SHPRH: variants seen among roughly 807,000 people sequenced by gnomAD.
The protein encoded by SHPRH is E3 ubiquitin-protein ligase SHPRH.
A neutral mutation model predicts 202.5 loss-of-function variants in SHPRH; 106 were observed. That is an observed-to-expected ratio of 0.52 (90% CI 0.45 to 0.62). SHPRH has a LOEUF of 0.62. Among genes scored for constraint, SHPRH ranks in the 20% least tolerant of loss-of-function variants. The pLI is 0.00. For missense variants in SHPRH, 1,710 were observed against 2,020.0 expected (o/e 0.85, Z 2.94); for synonymous variants, 729 against 686.0 (o/e 1.06, Z -0.98).
chr6:145,907,650 G>A (rs1783086311), intron 25 of SHPRH: 3 of 151,976 alleles, frequency 2.0e-5, no homozygotes, highest in Non-Finnish European at 4.4e-5. Context: ...CCATGCACTG[G>A]CTCTCTTCTG....
rs1209559845 is a variant in SHPRH, at chr6:145,963,795, T to C, written c.-97A>G. 6.6e-6 allele frequency: 1 copy of C among 152,062 alleles called. No homozygotes were observed. The highest frequency in any genetic ancestry group is 2.4e-5 in the African/African-American group (1 of 41,402). The allele number at this position is 152,062 out of a possible 1,614,324, so 9.4% of individuals were successfully genotyped here. A position where few individuals can be genotyped will look rare whatever the true frequency, so the allele number is the denominator to read the frequency against. On this transcript the variant is annotated 5_prime_UTR_variant, in exon 1 of 30. Coordinates refer to ENST00000275233, the MANE Select transcript of SHPRH (RefSeq NM_001042683.3). ...TCTGAGCGGGGCTGTCAGCGCCGGA[T>C]CGCTCCCAGCAGGCCGAGCAAACAA...
chr6:145,880,989 C>T (rs1449260936), downstream of SHPRH, among the ~76,000 whole-genome samples: 2 of 152,120 alleles, frequency 1.3e-5, no homozygotes, highest in Non-Finnish European at 2.9e-5. Flanking sequence ...ACATATCTCA[C>T]CAGTAAAAGG....
At chr6:145,930,215 C>G (rs918115635) in intron 14 of SHPRH, among the ~76,000 whole-genome samples, 1 of 152,044 alleles carries the variant, frequency 6.6e-6, no homozygotes, top group African/African-American at 2.4e-5. Flanking sequence ...CAACTACAGA[C>G]GGGCTACTCA....
At chr6:145,876,858 AG>A (rs1462873280) in intron 2 of SHPRH, 6 of 152,228 alleles carry the variant, frequency 3.9e-5, no homozygotes, top group African/African-American at 1.4e-4. Flanking sequence ...AAAAGCCATC[AG>A]GGGCCTGTCC....
chr6:145,928,330 G>A lies in SHPRH; in HGVS notation c.3113-1053C>T, dbSNP rs1023689965. On this transcript the variant is annotated intron_variant, in intron 14 of 29. Coordinates refer to ENST00000275233, the MANE Select transcript of SHPRH (RefSeq NM_001042683.3). Reference sequence around the variant, plus strand: ...CTGCTGCTTGTAAAATTCAAGACAGGTAAATTATAAATACTATTAAAGTAA... The same window carrying A: ...CTGCTGCTTGTAAAATTCAAGACAGATAAATTATAAATACTATTAAAGTAA... 2.0e-5 allele frequency among the ~76,000 whole-genome samples: 3 copies of A among 151,770 alleles called. No individual in the cohort carries two copies. The South Asian group carries it at 6.2e-4, about 31-fold the overall frequency.
chr6:145,942,522 A>G (rs1457883295), intron 9 of SHPRH, among the ~76,000 whole-genome samples: 2 of 152,234 alleles, frequency 1.3e-5, no homozygotes, highest in Admixed American at 1.3e-4. Flanking sequence ...AGTGGATGAA[A>G]TACAAAAACC....
intron 23 of SHPRH, among the ~76,000 whole-genome samples, chr6:145,915,437 A>G (rs568732768): frequency 6.6e-6 from 1 of 151,954 alleles, no homozygotes; most frequent in South Asian, 2.1e-4. Flanking sequence ...TTCCATCCAA[A>G]GAAGTTCCTT....
At chr6:145,918,481 A>T (rs1359792795) in intron 22 of SHPRH, 3 of 244,724 alleles carry the variant, frequency 1.2e-5, no homozygotes, top group Non-Finnish European at 2.3e-5. Context: ...ATGTACCTGA[A>T]GTCAGATAAA....
intron 1 of SHPRH, among the ~76,000 whole-genome samples, chr6:145,959,905 G>A (rs887768758): frequency 6.6e-6 from 1 of 152,172 alleles, no homozygotes; most frequent in Non-Finnish European, 1.5e-5. Flanking sequence ...TTTCCTAAGT[G>A]TTTATGTTTG....
chr6:145,932,216 A>C (rs903005456), intron 14 of SHPRH, among the ~76,000 whole-genome samples: 3 of 152,128 alleles, frequency 2.0e-5, no homozygotes, highest in African/African-American at 7.2e-5. Flanking sequence ...TCTCATATTT[A>C]TATGGAAAGG....
intron 1 of SHPRH, among the ~76,000 whole-genome samples, chr6:145,961,281 T>A (rs895590147): frequency 2.6e-5 from 4 of 152,214 alleles, no homozygotes; most frequent in African/African-American, 9.7e-5. Flanking sequence ...TCGAGCCAAC[T>A]AAGTCAGAAT....
At chr6:145,910,905 A>G (rs2128736631) in intron 24 of SHPRH, among the ~76,000 whole-genome samples, 1 of 152,288 alleles carries the variant, frequency 6.6e-6, no homozygotes, top group East Asian at 1.9e-4. Context: ...TTTGGGAAGA[A>G]TGTAAATTAG....
intron 2 of SHPRH, among the ~76,000 whole-genome samples, chr6:145,874,355 T>C (rs1385075407): frequency 6.6e-6 from 1 of 152,140 alleles, no homozygotes; most frequent in African/African-American, 2.4e-5. Flanking sequence ...TGTGATTCAG[T>C]TGATAGGCTG....
At chr6:145,931,079 G>A (rs1785388257) in intron 14 of SHPRH, among the ~76,000 whole-genome samples, 1 of 151,982 alleles carries the variant, frequency 6.6e-6, no homozygotes, top group African/African-American at 2.4e-5. Flanking sequence ...CTTTTGATTA[G>A]TGTTAACATA....
chr6:145,950,325 G>A lies in SHPRH; in HGVS notation c.921C>T (p.Tyr307=). ...HPALIPVLRP[Y]QREAVNWMLQ... ...GCATCCAATTGACAGCCTCTCTTTG[G>A]TAGGGTCTCAACACAGGGATCAATG... The change falls in exon 4 of 30, where the codon TAC becomes TAT. Residue 307 remains tyrosine (Y), a synonymous_variant. Transcript: ENST00000275233. The A allele has an allele frequency of 6.2e-7, 1 of 1,613,166 alleles. No homozygotes were observed. Among genetic ancestry groups the A allele is most frequent in the Non-Finnish European group, 8.5e-7 (1 of 1,179,396 alleles).
rs752647198 is a variant in SHPRH at position 145,926,267 on chromosome 6, T to G, written c.3231A>C (p.Glu1077Asp). 1 of 1,612,826 alleles carries G rather than the reference T, an allele frequency of 6.2e-7. No homozygotes were observed. Among genetic ancestry groups the G allele is most frequent in the East Asian group, 2.2e-5 (1 of 44,822 alleles). ...TCCCTGGGTGCCTGGCTATCAACAATTCCATCAAGTTATGGGTAGCATGAA... is the reference window on the plus strand; with the variant it reads ...TCCCTGGGTGCCTGGCTATCAACAAGTCCATCAAGTTATGGGTAGCATGAA... ...QRLHATHNLM[E>D]LLIARHPGIP... Residue 1077 changes from glutamate to aspartate, a missense_variant, in exon 16 of 30, where the codon GAA becomes GAC. This residue lies in a region of SHPRH where 288 missense variants were observed against 317.8 expected (regional missense o/e 0.91). Transcript: ENST00000275233.
At chr6:145,908,868 T>A (rs1451084285) in intron 25 of SHPRH, 2 of 152,138 alleles carry the variant, frequency 1.3e-5, no homozygotes, top group African/African-American at 4.8e-5. Flanking sequence ...TCTTCTCGGA[T>A]TTTTAGGGTT....
Position 145,921,242 on chromosome 6 carries a change from A to T in SHPRH, c.3933T>A (p.His1311Gln), listed in dbSNP as rs200938588. The T allele has an allele frequency of 1.1e-4, 175 of 1,612,662 alleles. No individual in the cohort carries two copies. Among genetic ancestry groups the T allele is most frequent in the Non-Finnish European group, 1.4e-4 (167 of 1,179,254 alleles). Residue 1311 changes from histidine (H) to glutamine (Q), a missense_variant, in exon 21 of 30, where the codon CAT becomes CAA. Coordinates refer to ENST00000275233, the MANE Select transcript of SHPRH (RefSeq NM_001042683.3). ...CATCAACAAATTCAACATCAAACCT[A>T]TGTGATTTTGCAAATGATAGTATTG... The part of the protein sequence containing the change: ...MKAILSFAKS[H>Q]RFDVEFVDEG...
At chr6:145,943,847 T>A (rs774012775) in intron 8 of SHPRH, 45 bp from the exon 9 acceptor site, 5 of 1,478,436 alleles carry the variant, frequency 3.4e-6, no homozygotes. Flanking sequence ...TAGTTGCATT[T>A]CTGAAATTAA....
Sources: gnomAD v4.1 joint callset for allele counts (sites outside exome capture counted in the v4.1 genomes callset) on GRCh38, gnomAD v4.1.1 for gene constraint, gnomAD v4.1.1 regional missense constraint, MANE v1.5 for transcripts, NCBI Gene and HGNC (gene_info 2026-07-23, HGNC 2026-07-21) for gene names.